The following CDH12 variants were observed in gnomAD, a reference collection of about 807,000 sequenced individuals.
CDH12 encodes the protein cadherin 12.
Under a neutral mutation model 74.1 loss-of-function variants are expected in CDH12, and 41 were observed. The ratio of observed to expected loss-of-function variants is 0.55; its 90% CI spans 0.43 to 0.72. The LOEUF is 0.72. CDH12 is among the 30% of genes least tolerant of loss of function. CDH12 has a pLI of 0.00. For missense variants in CDH12, 945 were observed against 977.2 expected, an observed-to-expected ratio of 0.97 and a Z score of 0.44; for synonymous variants, 399 against 355.0, an observed-to-expected ratio of 1.12 and a Z score of -1.39.
At chr5:22,041,327 A>G (rs769334503) in intron 5 of CDH12, among the ~76,000 whole-genome samples, 24 of 152,130 alleles carry the variant, frequency 1.6e-4, no homozygotes, top group Admixed American at 1.3e-4. Flanking sequence ...ATCTGTCAAT[A>G]ATTACTTTCA....
At chr5:22,567,965 T>C (rs1175932455) in intron 1 of CDH12, among the ~76,000 whole-genome samples, 1 of 152,210 alleles carries the variant, frequency 6.6e-6, no homozygotes, top group African/African-American at 2.4e-5. Flanking sequence ...CATTCCTCAA[T>C]ATACACTATC....
chr5:22,654,706 G>A (rs955946268), intron 1 of CDH12, among the ~76,000 whole-genome samples: 5 of 151,320 alleles, frequency 3.3e-5, no homozygotes, highest in African/African-American at 1.2e-4. Context: ...CTCCATCTCG[G>A]CTCACTGCAA....
intron 4 of CDH12, among the ~76,000 whole-genome samples, chr5:22,096,115 C>T (rs1447158489): frequency 6.6e-6 from 1 of 152,040 alleles, no homozygotes. Context: ...CCTCCTTCTC[C>T]CTTAGCCTGT....
At chr5:22,298,388 A>G (rs893116258) in intron 3 of CDH12, among the ~76,000 whole-genome samples, 1 of 152,016 alleles carries the variant, frequency 6.6e-6, no homozygotes, top group Admixed American at 6.6e-5. Context: ...CTATTCATTT[A>G]AGTTCTATAC....
intron 3 of CDH12, among the ~76,000 whole-genome samples, chr5:22,386,258 C>A (rs1741995637): frequency 6.6e-6 from 1 of 152,158 alleles, no homozygotes; most frequent in Non-Finnish European, 1.5e-5. Context: ...AGGGATAAAT[C>A]CATCCCCATG....
At chr5:22,698,721 A>AG (rs1561585981) in intron 1 of CDH12, among the ~76,000 whole-genome samples, 102 of 18,816 alleles carry the variant, frequency 5.4e-3, no homozygotes, top group East Asian at 0.01. Flanking sequence ...ATATATATAT[A>AG]TATATATATA....
At chr5:22,016,988 C>G (rs1737650681) in intron 5 of CDH12, among the ~76,000 whole-genome samples, 1 of 152,092 alleles carries the variant, frequency 6.6e-6, no homozygotes. Flanking sequence ...CTGCCCCACT[C>G]AAAGGAAGAC....
At chr5:22,338,383 C>A (rs1436294089) in intron 3 of CDH12, among the ~76,000 whole-genome samples, 1 of 151,546 alleles carries the variant, frequency 6.6e-6, no homozygotes, top group Non-Finnish European at 1.5e-5. Context: ...AACGATTGAA[C>A]CCATGGAGAA....
chr5:22,679,662 T>C (rs921282881), intron 1 of CDH12, among the ~76,000 whole-genome samples: 2 of 152,142 alleles, frequency 1.3e-5, no homozygotes, highest in Non-Finnish European at 2.9e-5. Flanking sequence ...TTTAATTTAA[T>C]TGATGATGAT....
At chr5:22,479,334 T>G (rs192024502) in intron 2 of CDH12, among the ~76,000 whole-genome samples, 32 of 152,360 alleles carry the variant, frequency 2.1e-4, no homozygotes, top group African/African-American at 7.7e-4. Flanking sequence ...TTTACTTGTC[T>G]GCTACTAAGT....
rs145848856 is a variant in CDH12 at position 22,402,978 on chromosome 5, T to C, written c.-333+2279A>G. On this transcript the variant is annotated intron_variant, in intron 3 of 14. Coordinates refer to ENST00000382254, the MANE Select transcript of CDH12 (RefSeq NM_004061.5). ...TGATGGAAAGAAGGAAGATGAACAA[T>C]CTTCTGGGATGTCAAAGGAATAAAT... Among the ~76,000 whole-genome samples, 480 of 152,278 alleles carry C rather than the reference T, an allele frequency of 3.2e-3. 1 individual carries two copies. The highest frequency in any genetic ancestry group is 5.2e-3 in the Non-Finnish European group (351 of 68,010).
At chr5:22,518,030 T>C (rs1190565011) in intron 1 of CDH12, among the ~76,000 whole-genome samples, 2 of 152,216 alleles carry the variant, frequency 1.3e-5, no homozygotes, top group Non-Finnish European at 2.9e-5. Context: ...TTTATAGGGT[T>C]ACCCCTAGAG....
intron 5 of CDH12, among the ~76,000 whole-genome samples, chr5:22,060,844 C>A (rs73068906): frequency 0.016 from 2,452 of 152,212 alleles, 70 homozygotes; most frequent in African/African-American, 0.056. Context: ...CGCTCCGAAA[C>A]AAAGGAGAAG....
intron 11 of CDH12, among the ~76,000 whole-genome samples, chr5:21,767,744 T>TATC (rs1745105866): frequency 2.6e-5 from 4 of 151,618 alleles, no homozygotes; most frequent in Admixed American, 2.0e-4. Flanking sequence ...CTCTCTCTTC[T>TATC]ATCATGTATT....
chr5:22,630,146 T>A (rs1738507472), intron 1 of CDH12, among the ~76,000 whole-genome samples: 1 of 152,100 alleles, frequency 6.6e-6, no homozygotes, highest in Admixed American at 6.6e-5. Context: ...TGCTCATGGA[T>A]AGGTAGAAGC....
intron 6 of CDH12, among the ~76,000 whole-genome samples, chr5:21,955,487 G>A (rs1756055407): frequency 6.6e-6 from 1 of 151,934 alleles, no homozygotes; most frequent in Non-Finnish European, 1.5e-5. Flanking sequence ...CTTTTAAAAA[G>A]CATTGAGAGC....
chr5:22,544,800 G>C (rs973648815), intron 1 of CDH12, among the ~76,000 whole-genome samples: 1 of 151,476 alleles, frequency 6.6e-6, no homozygotes, highest in Admixed American at 6.6e-5. Context: ...CTGGGTGACA[G>C]AGTGAGACTC....
intron 5 of CDH12, among the ~76,000 whole-genome samples, chr5:22,015,377 A>G (rs1364442460): frequency 6.6e-6 from 1 of 152,158 alleles, no homozygotes; most frequent in Admixed American, 6.5e-5. Flanking sequence ...TACATATTGT[A>G]CCAATCCCTT....
At chr5:21,946,664 A>G (rs576041777) in intron 6 of CDH12, among the ~76,000 whole-genome samples, 1 of 152,382 alleles carries the variant, frequency 6.6e-6, no homozygotes, top group African/African-American at 2.4e-5. Flanking sequence ...AATAGACTGC[A>G]TATATCATGG....
Sources: gnomAD v4.1 joint callset for allele counts (sites outside exome capture counted in the v4.1 genomes callset) on GRCh38, gnomAD v4.1.1 for gene constraint, MANE v1.5 for transcripts, NCBI Gene and HGNC (gene_info 2026-07-23, HGNC 2026-07-21) for gene names.